Variants in DEPDC1B observed in about 807,000 individuals in gnomAD.
DEPDC1B encodes DEP domain containing 1B, also known as DEP domain-containing protein 1B.
DEPDC1B carries 51 observed loss-of-function variants against 66.5 expected under a neutral mutation model. That is an observed-to-expected ratio of 0.77 (90% CI 0.61 to 0.97). The LOEUF is 0.97. DEPDC1B is among the 50% of genes least tolerant of loss of function. DEPDC1B has a pLI of 0.00. For missense variants in DEPDC1B, 552 were observed against 637.1 expected (o/e 0.87, Z 1.44); for synonymous variants, 226 against 223.6 (o/e 1.01, Z -0.10).
intron 2 of DEPDC1B, among the ~76,000 whole-genome samples, chr5:60,675,343 A>G (rs1754130442): frequency 6.6e-6 from 1 of 152,218 alleles, no homozygotes; most frequent in Non-Finnish European, 1.5e-5. Flanking sequence ...CTGGGCATTC[A>G]TTCTTGACCT....
At chr5:60,671,267 C>T (rs915698847) in intron 2 of DEPDC1B, among the ~76,000 whole-genome samples, 2 of 152,194 alleles carry the variant, frequency 1.3e-5, no homozygotes, top group African/African-American at 4.8e-5. Flanking sequence ...TAGTAATTTC[C>T]ATCTTCTAGG....
chr5:60,606,609 C>CAAAAAAAAA (rs60544270), intron 7 of DEPDC1B, among the ~76,000 whole-genome samples: 1 of 46,616 alleles, frequency 2.1e-5, no homozygotes, highest in Non-Finnish European at 4.5e-5. Flanking sequence ...CCCATTTCTA[C>CAAAAAAAAA]AAAAAAAAAA....
chr5:60,677,326 A>ACTCTCTCTCT (rs70975391), intron 2 of DEPDC1B, among the ~76,000 whole-genome samples: 2,244 of 108,406 alleles, frequency 0.021, 50 homozygotes, highest in African/African-American at 0.045. Context: ...ACACACACAC[A>ACTCTCTCTCT]CTCTCTCTCT....
chr5:60,597,841 T>C lies in DEPDC1B; in HGVS notation c.1502A>G (p.Glu501Gly), dbSNP rs1752127089. The C allele has an allele frequency of 6.2e-7, 1 of 1,613,424 alleles. No homozygotes were observed. Among genetic ancestry groups the C allele is most frequent in the Admixed American group, 1.7e-5 (1 of 59,908 alleles). The part of the protein sequence containing the change: ...TPESAALLFP[E>G]KPKPKPQLLM... ...CAGCTGTGGTTTCGGTTTGGGTTTT[T>C]CAGGAAACAGAAGTGCTGCACTTTC... The change falls in exon 11 of 11, where the codon GAA becomes GGA. Residue 501 changes from glutamate to glycine, a missense_variant. Coordinates refer to ENST00000265036, the MANE Select transcript of DEPDC1B (RefSeq NM_018369.3).
intron 7 of DEPDC1B, among the ~76,000 whole-genome samples, chr5:60,621,901 A>G (rs1483751372): frequency 6.6e-6 from 1 of 152,170 alleles, no homozygotes; most frequent in Non-Finnish European, 1.5e-5. Context: ...TTACCGTCAT[A>G]TGATATACTG....
intron 7 of DEPDC1B, among the ~76,000 whole-genome samples, chr5:60,607,931 C>A (rs1176079871): frequency 6.6e-6 from 1 of 152,038 alleles, no homozygotes; most frequent in African/African-American, 2.4e-5. Flanking sequence ...AGAGAGGCAG[C>A]CAAGGGGGCA....
chr5:60,687,014 T>G lies in DEPDC1B; in HGVS notation c.262A>C (p.Ile88Leu), dbSNP rs1264348702. 7.4e-6 allele frequency: 12 copies of G among 1,614,132 alleles called. 1 individual carries two copies. Among genetic ancestry groups the G allele is most frequent in the Non-Finnish European group, 9.3e-6 (11 of 1,180,048 alleles). ...KFLKNHVIED[I>L]KGKWGEEDFE... The stretch of plus-strand genomic sequence containing the variant: ...TCTTCCTCACCCCATTTTCCCTTGA[T>G]GTCTTCAATAACGTGATTCTTCAGG... The change falls in exon 2 of 11, where the codon ATC (isoleucine) becomes CTC (leucine). Residue 88 changes from isoleucine to leucine, a missense_variant. Ile to Leu is a conservative substitution (Grantham distance 5). Transcript: ENST00000265036.
chr5:60,675,916 T>G (rs1240023752), intron 2 of DEPDC1B, among the ~76,000 whole-genome samples: 4 of 151,414 alleles, frequency 2.6e-5, no homozygotes, highest in African/African-American at 9.7e-5. Flanking sequence ...TTTTTTTTTT[T>G]TGTTTTTTGT....
rs1554054904 is a variant in DEPDC1B, at chr5:60,667,686, T to TAATGGATATTTTACATGTATATAA, written c.314+19252_314+19275dup. ...ATATAATGGATATTTTACATGTATA[T>TAATGGATATTTTACATGTATATAA]AATGGATATTTTACATGTATATAAA... On this transcript the variant is annotated intron_variant, in intron 2 of 10. Coordinates refer to ENST00000265036, the MANE Select transcript of DEPDC1B (RefSeq NM_018369.3). 2.4e-3 allele frequency among the ~76,000 whole-genome samples: 290 copies of TAATGGATATTTTACATGTATATAA among 123,202 alleles called. 4 individuals are homozygous for TAATGGATATTTTACATGTATATAA. The highest frequency in any genetic ancestry group is 3.9e-3 in the South Asian group (12 of 3,092). 80.8% of individuals were successfully genotyped at this position (123,202 alleles called of 152,430 possible).
At chr5:60,647,148 G>A (rs762703369) in intron 3 of DEPDC1B, among the ~76,000 whole-genome samples, 48 of 144,912 alleles carry the variant, frequency 3.3e-4, no homozygotes, top group East Asian at 2.5e-3. Flanking sequence ...GAAACCCATC[G>A]CTGGTGCCAA....
At chr5:60,627,454 G>C (rs1289816990) in intron 7 of DEPDC1B, among the ~76,000 whole-genome samples, 7 of 151,272 alleles carry the variant, frequency 4.6e-5, no homozygotes, top group Non-Finnish European at 1.0e-4. Flanking sequence ...TTCTCCCAAA[G>C]AGATTCAATG....
intron 2 of DEPDC1B, among the ~76,000 whole-genome samples, chr5:60,680,127 C>T (rs1754264778): frequency 6.6e-6 from 1 of 152,146 alleles, no homozygotes; most frequent in African/African-American, 2.4e-5. Context: ...ATTCAATCTC[C>T]TCATCCATTA....
At chr5:60,604,039 T>G (rs1001111520) in intron 8 of DEPDC1B, among the ~76,000 whole-genome samples, 4 of 151,610 alleles carry the variant, frequency 2.6e-5, no homozygotes, top group African/African-American at 9.7e-5. Flanking sequence ...TTACATCTTT[T>G]CCTAGTTAGC....
chr5:60,693,481 G>A (rs1754590602), intron 1 of DEPDC1B, among the ~76,000 whole-genome samples: 2 of 152,138 alleles, frequency 1.3e-5, no homozygotes, highest in African/African-American at 4.8e-5. Context: ...GACTATAAAA[G>A]TCCTTTGTTA....
chr5:60,617,184 TG>T (rs1217330767), intron 7 of DEPDC1B, among the ~76,000 whole-genome samples: 2 of 152,186 alleles, frequency 1.3e-5, no homozygotes, highest in African/African-American at 4.8e-5. Flanking sequence ...TGCAAAATCA[TG>T]CCAAATTGTA....
chr5:60,692,218 C>T (rs1417044820), intron 1 of DEPDC1B, among the ~76,000 whole-genome samples: 1 of 152,076 alleles, frequency 6.6e-6, no homozygotes, highest in African/African-American at 2.4e-5. Context: ...TCAAAAGGTA[C>T]AAAGCCTCAA....
At chr5:60,606,651 G>A (rs917477476) in intron 7 of DEPDC1B, among the ~76,000 whole-genome samples, 50 of 139,658 alleles carry the variant, frequency 3.6e-4, no homozygotes, top group African/African-American at 1.1e-3. Flanking sequence ...TTAATTAGCC[G>A]CCATGGTGGC....
Position 60,687,101 on chromosome 5 carries a change from A to T in DEPDC1B, c.175T>A (p.Cys59Ser). The change falls in exon 2 of 11, where the codon TGC (cysteine) becomes AGC (serine). Residue 59 changes from cysteine (C) to serine (S), a missense_variant. Coordinates refer to ENST00000265036, the MANE Select transcript of DEPDC1B (RefSeq NM_018369.3). Reference protein sequence around the residue: ...AVDWLHELLRCSQNFGPEVTR... With the variant: ...AVDWLHELLRSSQNFGPEVTR... ...ACTTCAGGGCCGAAGTTTTGACTGC[A>T]CCTCAGCAGCTCATGCAGCCAATCC... 6.2e-7 allele frequency: 1 copy of T among 1,614,150 alleles called. No homozygotes were observed. The highest frequency in any genetic ancestry group is 8.5e-7 in the Non-Finnish European group (1 of 1,180,034).
At chr5:60,651,048 C>T (rs1303189513) in intron 2 of DEPDC1B, among the ~76,000 whole-genome samples, 1 of 152,132 alleles carries the variant, frequency 6.6e-6, no homozygotes, top group Non-Finnish European at 1.5e-5. Flanking sequence ...TTGTCAAATA[C>T]CTAAGCAACA....
Sources: gnomAD v4.1 joint callset for allele counts (sites outside exome capture counted in the v4.1 genomes callset) on GRCh38, gnomAD v4.1.1 for gene constraint, MANE v1.5 for transcripts, NCBI Gene and HGNC (gene_info 2026-07-23, HGNC 2026-07-21) for gene names.